DIPK1A: variants seen among roughly 807,000 people sequenced by gnomAD.
The protein encoded by DIPK1A is family with sequence similarity 69 member A.
Under a neutral mutation model 40.8 loss-of-function variants are expected in DIPK1A, and 27 were observed. The observed-to-expected ratio is 0.66, with a 90% CI of 0.49 to 0.91. The LOEUF (loss-of-function observed/expected upper bound fraction) is 0.91, where lower values mean the gene tolerates loss of function less well. Ranked by LOEUF, DIPK1A falls within the 40% of genes least tolerant of loss-of-function variation. The pLI, the probability that DIPK1A is intolerant of heterozygous loss-of-function variation, is 0.00. For missense variants in DIPK1A, 412 were observed against 505.7 expected (o/e 0.81, Z 1.78); for synonymous variants, 166 against 171.3 (o/e 0.97, Z 0.24).
At chr1:92,844,274 T>TA in intron 4 of DIPK1A, 79 bp from the exon 5 acceptor site, 2 of 843,246 alleles carry the variant, frequency 2.4e-6, no homozygotes. Flanking sequence ...TTACGGGCAT[T>TA]ATTAACCATG....
chr1:92,959,903 C>CTTTTTTTTTTTTTTTTT lies in DIPK1A; in HGVS notation c.54+1456_54+1472dup, dbSNP rs1157142089. ...GCTGGGACCACAGGCACCCAACCAA[C>CTTTTTTTTTTTTTTTTT]TTTTTTTTTTTTTTTTTTTTTTTTG... On this transcript the variant is annotated intron_variant, in intron 1 of 4. Coordinates refer to ENST00000370310, the MANE Select transcript of DIPK1A (RefSeq NM_001006605.5). Among the ~76,000 whole-genome samples, 226 of 47,854 alleles carry CTTTTTTTTTTTTTTTTT rather than the reference C, an allele frequency of 4.7e-3. 9 individuals carry two copies. Among genetic ancestry groups the CTTTTTTTTTTTTTTTTT allele is most frequent in the African/African-American group, 7.6e-3 (69 of 9,070 alleles). The allele number at this position is 47,854 out of a possible 152,430, so 31.4% of individuals were successfully genotyped here.
intron 1 of DIPK1A, among the ~76,000 whole-genome samples, chr1:92,884,070 T>G (rs151224997): frequency 6.6e-6 from 1 of 152,328 alleles, no homozygotes; most frequent in Non-Finnish European, 1.5e-5. Flanking sequence ...CTGAAAACAG[T>G]TCTCATTCCA....
At chr1:92,908,243 A>C (rs1405688541) in intron 1 of DIPK1A, among the ~76,000 whole-genome samples, 1 of 152,212 alleles carries the variant, frequency 6.6e-6, no homozygotes, top group Admixed American at 6.5e-5. Context: ...CAGGGAAAGT[A>C]ACAAGCCATG....
chr1:92,846,453 C>G (rs1687604986), intron 4 of DIPK1A: 1 of 256,654 alleles, frequency 3.9e-6, no homozygotes, highest in African/African-American at 2.3e-5. Flanking sequence ...CCCTTCCCAG[C>G]CTCTAATAGC....
intron 1 of DIPK1A, among the ~76,000 whole-genome samples, chr1:92,882,491 C>T (rs1182760398): frequency 1.3e-5 from 2 of 152,216 alleles, no homozygotes; most frequent in Non-Finnish European, 2.9e-5. Context: ...TGTTTATGTG[C>T]TTTTCTAAGT....
intron 2 of DIPK1A, among the ~76,000 whole-genome samples, chr1:92,861,897 G>A (rs537008186): frequency 2.6e-5 from 4 of 151,894 alleles, no homozygotes; most frequent in South Asian, 4.2e-4. Flanking sequence ...CTCCCACCTC[G>A]GCCTCCCAAG....
At chr1:92,937,926 A>G (rs1030797961) in intron 1 of DIPK1A, among the ~76,000 whole-genome samples, 3 of 152,232 alleles carry the variant, frequency 2.0e-5, no homozygotes, top group Non-Finnish European at 4.4e-5. Context: ...ACTGGTTTTA[A>G]GCTAACTACA....
intron 1 of DIPK1A, among the ~76,000 whole-genome samples, chr1:92,954,081 C>A (rs1367120652): frequency 6.6e-6 from 1 of 152,112 alleles, no homozygotes; most frequent in South Asian, 2.1e-4. Context: ...AAAACATGCA[C>A]ATTGCAATAT....
At chr1:92,840,605 G>A (rs1687316979), downstream of DIPK1A, 1 of 1,611,952 alleles carries the variant, frequency 6.2e-7, no homozygotes, top group Non-Finnish European at 8.5e-7. Flanking sequence ...TCCAGTCTAT[G>A]AAAAGAAGCC....
intron 1 of DIPK1A, chr1:92,932,160 G>C (rs1022491510): frequency 2.0e-5 from 4 of 195,564 alleles, no homozygotes; most frequent in Non-Finnish European, 4.4e-5. Context: ...ATCCAACTAG[G>C]CTGGGCACAG....
chr1:92,928,026 C>T (rs1249223064), intron 1 of DIPK1A, among the ~76,000 whole-genome samples: 1 of 152,166 alleles, frequency 6.6e-6, no homozygotes, highest in African/African-American at 2.4e-5. Context: ...TTCTTAAAAA[C>T]CTACCAAACT....
At chr1:92,848,263 T>A (rs974391927) in intron 3 of DIPK1A, among the ~76,000 whole-genome samples, 1 of 152,248 alleles carries the variant, frequency 6.6e-6, no homozygotes, top group Non-Finnish European at 1.5e-5. Context: ...ATTATTTCAC[T>A]GCCTTGCTCC....
intron 4 of DIPK1A, chr1:92,833,888 T>A (rs1307256378): frequency 1.9e-6 from 1 of 535,946 alleles, no homozygotes; most frequent in Non-Finnish European, 3.3e-6. Context: ...GGAAGATTGC[T>A]TGAGCCCAGG....
intron 2 of DIPK1A, among the ~76,000 whole-genome samples, chr1:92,866,648 G>A (rs781487499): frequency 6.6e-6 from 1 of 152,182 alleles, no homozygotes; most frequent in African/African-American, 2.4e-5. Context: ...TTTTGCAGAT[G>A]TAATTAAAAT....
Position 92,847,204 on chromosome 1 carries a change from T to G in DIPK1A, c.453A>C (p.Glu151Asp). 2 of 1,574,438 alleles carry G rather than the reference T, an allele frequency of 1.3e-6. No homozygotes were observed. The highest frequency in any genetic ancestry group is 2.3e-5 in the South Asian group (2 of 86,046). The change falls in exon 4 of 5, where the codon GAA becomes GAC. Residue 151 changes from glutamate (E) to aspartate (D), a missense_variant. Coordinates refer to ENST00000370310, the MANE Select transcript of DIPK1A (RefSeq NM_001006605.5). ...TRGTTVQKFK[E>D]MVYSLFKAKL... ...TTACCTTAAAGAGACTATAGACCAT[T>G]TCTTTAAATTTTTGTACAGTAGTTC...
intron 1 of DIPK1A, among the ~76,000 whole-genome samples, chr1:92,904,789 C>A (rs1012582524): frequency 6.6e-6 from 1 of 151,956 alleles, no homozygotes; most frequent in Non-Finnish European, 1.5e-5. Context: ...CATTAACTAT[C>A]CCCACTTCCC....
intron 1 of DIPK1A, among the ~76,000 whole-genome samples, chr1:92,898,477 A>G (rs1004770119): frequency 1.3e-5 from 2 of 152,154 alleles, no homozygotes; most frequent in Admixed American, 1.3e-4. Flanking sequence ...TGGAGGGGAC[A>G]AACATTCAAA....
downstream of DIPK1A, among the ~76,000 whole-genome samples, chr1:92,839,156 C>T (rs551301031): frequency 6.7e-6 from 1 of 149,862 alleles, no homozygotes; most frequent in African/African-American, 2.5e-5. Flanking sequence ...GTCAGGAGTT[C>T]GAGACCAGCC....
At chr1:92,949,604 A>T (rs1651547527) in intron 1 of DIPK1A, among the ~76,000 whole-genome samples, 1 of 152,182 alleles carries the variant, frequency 6.6e-6, no homozygotes, top group Non-Finnish European at 1.5e-5. Flanking sequence ...TCAAATTAAG[A>T]ATCTTATGAA....
Sources: gnomAD v4.1 joint callset for allele counts (sites outside exome capture counted in the v4.1 genomes callset) on GRCh38, gnomAD v4.1.1 for gene constraint, MANE v1.5 for transcripts, NCBI Gene and HGNC (gene_info 2026-07-23, HGNC 2026-07-21) for gene names.